JHY: variants seen among roughly 807,000 people sequenced by gnomAD.
JHY encodes the protein junctional cadherin complex regulator, also known as jhy protein homolog.
A neutral mutation model predicts 78.0 loss-of-function variants in JHY; 69 were observed. That is an observed-to-expected ratio of 0.88 (90% CI 0.73 to 1.08). The LOEUF is 1.08. Among genes scored for constraint, JHY ranks in the 50% least tolerant of loss-of-function variants. The pLI, the probability that JHY is intolerant of heterozygous loss-of-function variation, is 0.00. For synonymous variants in JHY, 368 were observed against 342.6 expected (o/e 1.07, Z -0.82); for missense variants, 944 against 927.8 (o/e 1.02, Z -0.23).
chr11:122,961,054 TG>T lies in JHY; in HGVS notation c.*1611del. ...AAGTGCATTTGGGACCTAAAGCTGT[TG>T]GCAAAGAAGACTCATGCACAGCCAG... On this transcript the variant is annotated 3_prime_UTR_variant, in exon 9 of 9. Transcript: ENST00000227349. 1 of 1,075,816 alleles carries T rather than the reference TG, an allele frequency of 9.3e-7. No homozygotes were observed. Among genetic ancestry groups the T allele is most frequent in the Non-Finnish European group, 1.4e-6 (1 of 704,698 alleles). The allele number at this position is 1,075,816 out of a possible 1,614,324, so 66.6% of individuals were successfully genotyped here.
Position 122,924,962 on chromosome 11 carries a change from T to A in JHY, c.930T>A (p.Ala310=). Reference sequence around the variant, plus strand: ...AGAATGCCAAGGAAATGGAAAATGCTGCCATCGATCCTGAAGATAAATGGC... The same window carrying A: ...AGAATGCCAAGGAAATGGAAAATGCAGCCATCGATCCTGAAGATAAATGGC... The part of the protein sequence containing the change: ...SIQNAKEMEN[A]AIDPEDKWHQ... Residue 310 remains alanine (A), a synonymous_variant, in exon 4 of 9, where the codon GCT becomes GCA. Coordinates refer to ENST00000227349, the MANE Select transcript of JHY (RefSeq NM_024806.4). 6.2e-7 allele frequency: 1 copy of A among 1,614,172 alleles called. No individual in the cohort carries two copies. Among genetic ancestry groups the A allele is most frequent in the Non-Finnish European group, 8.5e-7 (1 of 1,179,994 alleles).
At chr11:122,899,751 A>G (rs182128568) in intron 2 of JHY, among the ~76,000 whole-genome samples, 2 of 152,350 alleles carry the variant, frequency 1.3e-5, no homozygotes, top group Admixed American at 1.3e-4. Context: ...ACATTCTCTC[A>G]TGTTGATCCT....
At position 122,946,633 on chromosome 11, in the gene JHY, C is replaced by A. The variant is rs774338903; in HGVS notation, c.1770C>A (p.Ser590Arg). 3.1e-6 allele frequency: 5 copies of A among 1,613,978 alleles called. No homozygotes were observed. The highest frequency in any genetic ancestry group is 2.5e-6 in the Non-Finnish European group (3 of 1,180,026). ...DVQPSEGALS[S>R]VTLPPILSRV... ...AGCCCAGTGAAGGGGCCTTATCCAG[C>A]GTCACGCTTCCACCTATACTGTCAA... The change falls in exon 6 of 9, where the codon AGC (serine) becomes AGA (arginine). Residue 590 changes from serine (S) to arginine (R), a missense_variant. Ser to Arg is a moderately radical substitution (Grantham distance 110). Coordinates refer to ENST00000227349, the MANE Select transcript of JHY (RefSeq NM_024806.4).
At chr11:122,900,034 C>T (rs1401826399) in intron 2 of JHY, among the ~76,000 whole-genome samples, 1 of 152,202 alleles carries the variant, frequency 6.6e-6, no homozygotes, top group Non-Finnish European at 1.5e-5. Flanking sequence ...CCGTCAAAGC[C>T]CCAGAGGCAG....
chr11:122,945,940 A>G (rs762369099), intron 5 of JHY, among the ~76,000 whole-genome samples: 2 of 152,062 alleles, frequency 1.3e-5, no homozygotes, highest in African/African-American at 2.4e-5. Flanking sequence ...AGGGTGTAGC[A>G]CCTCAAGTTA....
In JHY at chr11:122,946,605, T is replaced by C. The variant is rs1462908808; in HGVS notation, c.1742T>C (p.Val581Ala). Residue 581 changes from valine to alanine, a missense_variant, in exon 6 of 9, where the codon GTG (valine) becomes GCG (alanine). Coordinates refer to ENST00000227349, the MANE Select transcript of JHY (RefSeq NM_024806.4). ...HQQALVQLTD[V>A]QPSEGALSSV... ...CAAGCCTTGGTGCAGCTGACCGACG[T>C]GCAGCCCAGTGAAGGGGCCTTATCC... The C allele has an allele frequency of 2.4e-5, 38 of 1,614,082 alleles. No individual in the cohort carries two copies. Among genetic ancestry groups the C allele is most frequent in the Non-Finnish European group, 3.1e-5 (36 of 1,180,002 alleles).
At chr11:122,887,209 CA>C (rs1204693223) in intron 2 of JHY, among the ~76,000 whole-genome samples, 2 of 152,174 alleles carry the variant, frequency 1.3e-5, no homozygotes, top group African/African-American at 4.8e-5. Context: ...TCAGTTTCTT[CA>C]TCAGTAAAAA....
chr11:122,962,756 A>G lies in JHY; in HGVS notation c.*3311A>G, dbSNP rs756546095. 3.3e-4 allele frequency among the ~76,000 whole-genome samples: 50 copies of G among 152,200 alleles called. No homozygotes were observed. Among genetic ancestry groups the G allele is most frequent in the Non-Finnish European group, 4.6e-4 (31 of 68,030 alleles). On this transcript the variant is annotated 3_prime_UTR_variant, in exon 9 of 9. Coordinates refer to ENST00000227349, the MANE Select transcript of JHY (RefSeq NM_024806.4). ...TCTTAAAATAGTTTAGAGCTTGGAA[A>G]GTTTGTCACATTCAACTGCCAGTTT...
intron 3 of JHY, among the ~76,000 whole-genome samples, chr11:122,915,388 A>G (rs553669718): frequency 4.6e-5 from 7 of 152,344 alleles, no homozygotes; most frequent in African/African-American, 1.7e-4. Context: ...AGTATCAGAT[A>G]AGGTCCCCAA....
At chr11:122,953,567 A>G (rs1485272812) in intron 6 of JHY, among the ~76,000 whole-genome samples, 1 of 150,756 alleles carries the variant, frequency 6.6e-6, no homozygotes, top group Non-Finnish European at 1.5e-5. Flanking sequence ...GCACCATTGT[A>G]CTCCAGCCTG....
intron 3 of JHY, among the ~76,000 whole-genome samples, chr11:122,904,645 G>A (rs1402162399): frequency 1.3e-5 from 2 of 152,042 alleles, no homozygotes; most frequent in African/African-American, 4.8e-5. Flanking sequence ...AGCCACCAAT[G>A]GTTTACAGTG....
Position 122,904,233 on chromosome 11 carries a change from TGGA to T in JHY, c.658_660del (p.Glu220del), listed in dbSNP as rs539744500. On this transcript the variant is annotated inframe_deletion, in exon 3 of 9. Transcript: ENST00000227349. The stretch of plus-strand genomic sequence containing the variant: ...TTTTCAGAGCTGAGCGACAGTGACC[TGGA>T]GGAGAAGTCGAGCAGCCTTTCTCCG... 660 of 1,614,178 alleles carry T rather than the reference TGGA, an allele frequency of 4.1e-4. 7 individuals carry two copies. In the Middle Eastern group the frequency reaches 0.015, roughly 37 times the overall value.
intron 6 of JHY, among the ~76,000 whole-genome samples, chr11:122,955,546 T>C (rs897761373): frequency 9.8e-5 from 15 of 152,322 alleles, no homozygotes; most frequent in African/African-American, 3.4e-4. Context: ...CATAATCTAA[T>C]CAGTCAGTTG....
chr11:122,891,570 T>TAA (rs10636239), intron 2 of JHY, among the ~76,000 whole-genome samples: 51,156 of 147,370 alleles, frequency 0.35, 9,492 homozygotes, highest in African/African-American at 0.47. Flanking sequence ...CCTTGTATAT[T>TAA]AAAAAAAAAA....
intron 5 of JHY, among the ~76,000 whole-genome samples, chr11:122,941,157 T>C (rs1309311321): frequency 6.6e-6 from 1 of 152,208 alleles, no homozygotes; most frequent in East Asian, 1.9e-4. Context: ...GGGAATGGAA[T>C]TTAGAAACCA....
intron 3 of JHY, among the ~76,000 whole-genome samples, chr11:122,921,439 C>T (rs1416380976): frequency 1.3e-5 from 2 of 152,164 alleles, no homozygotes; most frequent in African/African-American, 4.8e-5. Flanking sequence ...TCTCAGTCAT[C>T]CCCACTTTGA....
chr11:122,923,883 ATTTTTTT>A (rs760512913), intron 3 of JHY, among the ~76,000 whole-genome samples: 213 of 100,492 alleles, frequency 2.1e-3, no homozygotes, highest in Admixed American at 4.1e-3. Context: ...CGCCTGGCTA[ATTTTTTT>A]TTTTTTTTTT....
Position 122,957,466 on chromosome 11 carries a change from A to G in JHY, c.2114A>G (p.Lys705Arg). ...AAACCACAAACAGAAAAAACTCAAA[A>G]GAAATCTGCTATCCCTCGGCAGAAG... Reference protein sequence around the residue: ...LSKPQTEKTQKKSAIPRQKAL... With the variant: ...LSKPQTEKTQRKSAIPRQKAL... Residue 705 changes from lysine to arginine, a missense_variant, in exon 8 of 9, where the codon AAG becomes AGG. Physicochemically the swap from Lys to Arg is conservative, Grantham distance 26. Transcript: ENST00000227349. The G allele has an allele frequency of 6.5e-7, 1 of 1,539,886 alleles. No individual in the cohort carries two copies. The highest frequency in any genetic ancestry group is 8.7e-7 in the Non-Finnish European group (1 of 1,154,520).
chr11:122,894,912 A>C (rs1263895524), intron 2 of JHY, among the ~76,000 whole-genome samples: 1 of 152,236 alleles, frequency 6.6e-6, no homozygotes, highest in African/African-American at 2.4e-5. Context: ...AAATGCTTAA[A>C]TTTTTAGCAG....
Sources: gnomAD v4.1 joint callset for allele counts (sites outside exome capture counted in the v4.1 genomes callset) on GRCh38, gnomAD v4.1.1 for gene constraint, MANE v1.5 for transcripts, NCBI Gene and HGNC (gene_info 2026-07-23, HGNC 2026-07-21) for gene names.